Variants in FAT3 observed in about 807,000 individuals in gnomAD.
FAT3 encodes FAT atypical cadherin 3.
FAT3 carries 95 observed loss-of-function variants against 310.2 expected under a neutral mutation model. The observed-to-expected ratio is 0.31, with a 90% CI of 0.26 to 0.36. The LOEUF (loss-of-function observed/expected upper bound fraction) is 0.36, where lower values mean the gene tolerates loss of function less well. FAT3 is among the 10% of genes least tolerant of loss of function. The pLI, the probability that FAT3 is intolerant of heterozygous loss-of-function variation, is 1.00. For missense variants in FAT3, 5,408 were observed against 5,715.6 expected, an observed-to-expected ratio of 0.95 and a Z score of 1.74; for synonymous variants, 2,314 against 2,192.9, an observed-to-expected ratio of 1.06 and a Z score of -1.54.
intron 3 of FAT3, among the ~76,000 whole-genome samples, chr11:92,574,115 T>C (rs908078330): frequency 1.3e-5 from 2 of 152,192 alleles, no homozygotes; most frequent in African/African-American, 4.8e-5. Context: ...GTCTTCATGC[T>C]AGTTGAAAAT....
At chr11:92,635,162 G>A (rs934187657) in intron 3 of FAT3, among the ~76,000 whole-genome samples, 2 of 152,150 alleles carry the variant, frequency 1.3e-5, no homozygotes, top group African/African-American at 4.8e-5. Flanking sequence ...GGCAGTCCTT[G>A]TGCTGCTCCC....
intron 3 of FAT3, among the ~76,000 whole-genome samples, chr11:92,625,213 T>C (rs536209052): frequency 6.6e-6 from 1 of 152,334 alleles, no homozygotes; most frequent in South Asian, 2.1e-4. Context: ...AAATTTATTA[T>C]AGTATTATGG....
At chr11:92,772,920 C>A (rs948777756) in intron 6 of FAT3, among the ~76,000 whole-genome samples, 4 of 151,838 alleles carry the variant, frequency 2.6e-5, no homozygotes, top group African/African-American at 9.7e-5. Flanking sequence ...CATTGATCAG[C>A]AAAATGAAAT....
intron 2 of FAT3, among the ~76,000 whole-genome samples, chr11:92,472,734 C>T (rs1260352912): frequency 6.6e-6 from 1 of 152,206 alleles, no homozygotes; most frequent in Non-Finnish European, 1.5e-5. Flanking sequence ...ACATAGCTGT[C>T]ATGGCCTCCA....
intron 2 of FAT3, among the ~76,000 whole-genome samples, chr11:92,387,015 A>C (rs1949639390): frequency 6.6e-6 from 1 of 151,516 alleles, no homozygotes; most frequent in African/African-American, 2.4e-5. Flanking sequence ...TTCATAATGT[A>C]CTGTGATAAA....
rs200855829 is a variant in FAT3 at position 92,771,136 on chromosome 11, C to T, written c.4196-2905C>T. ...CCCATTTTGTTGAAACTCAGACCAG[C>T]TCTGCGGTGTCCTCCCTCCTCCCCA... On this transcript the variant is annotated intron_variant, in intron 6 of 27. Transcript: ENST00000525166. Among the ~76,000 whole-genome samples, 18 of 152,126 alleles carry T rather than the reference C, an allele frequency of 1.2e-4. 1 individual carries two copies. The highest frequency in any genetic ancestry group is 1.1e-3 in the Admixed American group (16 of 15,234).
chr11:92,717,073 G>A (rs549319512), intron 4 of FAT3, among the ~76,000 whole-genome samples: 3 of 152,142 alleles, frequency 2.0e-5, no homozygotes, highest in African/African-American at 4.8e-5. Flanking sequence ...ACCTTATCGG[G>A]TTGTTTTATG....
intron 3 of FAT3, among the ~76,000 whole-genome samples, chr11:92,574,490 C>G (rs1233743312): frequency 6.6e-6 from 1 of 152,120 alleles, no homozygotes; most frequent in East Asian, 1.9e-4. Flanking sequence ...GCAGGACTTC[C>G]ATTTCTTCAT....
chr11:92,755,969 T>C (rs1186395290), intron 4 of FAT3, among the ~76,000 whole-genome samples: 1 of 152,238 alleles, frequency 6.6e-6, no homozygotes, highest in Non-Finnish European at 1.5e-5. Context: ...GAATTCTTAC[T>C]ACATTCTAGG....
intron 1 of FAT3, among the ~76,000 whole-genome samples, chr11:92,346,833 A>G (rs1948434150): frequency 6.6e-6 from 1 of 152,166 alleles, no homozygotes; most frequent in Admixed American, 6.5e-5. Context: ...CTTTTAGTAA[A>G]GAAAGGACAT....
chr11:92,748,183 G>A (rs796528793), intron 4 of FAT3, among the ~76,000 whole-genome samples: 3 of 152,300 alleles, frequency 2.0e-5, no homozygotes, highest in African/African-American at 7.2e-5. Flanking sequence ...CATGGTGGAA[G>A]GTGAATGAGG....
chr11:92,633,413 T>C (rs1038242992), intron 3 of FAT3, among the ~76,000 whole-genome samples: 5 of 152,094 alleles, frequency 3.3e-5, no homozygotes, highest in Admixed American at 6.6e-5. Context: ...TTTAAGAACA[T>C]TATTTTGTTT....
intron 2 of FAT3, among the ~76,000 whole-genome samples, chr11:92,376,581 C>T (rs549821915): frequency 1.7e-3 from 264 of 152,108 alleles, no homozygotes; most frequent in Non-Finnish European, 2.8e-3. Context: ...ATTTCCTAGT[C>T]GGTTCATGGG....
At chr11:92,225,953 G>A (rs904131275) in intron 1 of FAT3, among the ~76,000 whole-genome samples, 4 of 105,456 alleles carry the variant, frequency 3.8e-5, no homozygotes, top group Non-Finnish European at 8.0e-5. Flanking sequence ...TGAAAAGAAA[G>A]CAGCGCGGGT....
At chr11:92,495,696 T>A (rs1462085886) in intron 2 of FAT3, among the ~76,000 whole-genome samples, 1 of 152,036 alleles carries the variant, frequency 6.6e-6, no homozygotes, top group Non-Finnish European at 1.5e-5. Flanking sequence ...AAAATGGAGT[T>A]CAGCTTTACA....
rs1304108481 is a variant in FAT3 at position 92,801,828 on chromosome 11, C to T, written c.8815C>T (p.Pro2939Ser). ...YRGNVKESDP[P>S]GEVVAVLSTW... ...AGGGAATGTGAAGGAGAGCGACCCA[C>T]CGGGCGAGGTGGTAGCCGTCCTCAG... Residue 2939 changes from proline to serine, a missense_variant, in exon 10 of 28, where the codon CCG (proline) becomes TCG (serine). This residue lies in a region of FAT3 where 4,588 missense variants were observed against 4,809.8 expected (regional missense o/e 0.95). Coordinates refer to ENST00000525166, the MANE Select transcript of FAT3 (RefSeq NM_001367949.2). The T allele has an allele frequency of 6.2e-7, 1 of 1,613,984 alleles. No individual in the cohort carries two copies. The highest frequency in any genetic ancestry group is 1.3e-5 in the African/African-American group (1 of 75,052).
intron 2 of FAT3, among the ~76,000 whole-genome samples, chr11:92,362,459 A>T (rs1244271745): frequency 6.6e-6 from 1 of 152,128 alleles, no homozygotes; most frequent in Admixed American, 6.5e-5. Flanking sequence ...TTGCTGTCTG[A>T]CATCTCTTGG....
In FAT3 at chr11:92,835,162, C is replaced by T. The variant is rs181263428; in HGVS notation, c.10086+78C>T. 3.1e-5 allele frequency: 40 copies of T among 1,281,584 alleles called. No individual in the cohort carries two copies. The East Asian group carries it at 8.8e-4, about 28-fold the overall frequency. The allele number at this position is 1,281,584 out of a possible 1,614,324, so 79.4% of individuals were successfully genotyped here. On this transcript the variant is annotated intron_variant, in intron 15 of 27. Transcript: ENST00000525166. ...AATAAAGTGAAGAAGAAAGCAAAGT[C>T]CGTCTTGGGTTTTCTTCACACTTCC...
At chr11:92,239,530 A>G (rs748222817) in intron 1 of FAT3, among the ~76,000 whole-genome samples, 10 of 152,124 alleles carry the variant, frequency 6.6e-5, no homozygotes, top group African/African-American at 2.4e-4. Flanking sequence ...CCAGTGCCCA[A>G]TAAATGTGGG....
Sources: allele counts gnomAD v4.1 joint callset (sites outside exome capture counted in the v4.1 genomes callset), GRCh38; gene constraint gnomAD v4.1.1; regional missense constraint gnomAD v4.1.1; transcripts MANE v1.5; gene names NCBI Gene and HGNC (gene_info 2026-07-23, HGNC 2026-07-21).